The following PATJ variants were observed in gnomAD, a reference collection of about 807,000 sequenced individuals.
The protein encoded by PATJ is PATJ crumbs cell polarity complex component.
PATJ carries 190 observed loss-of-function variants against 224.9 expected under a neutral mutation model. The ratio of observed to expected loss-of-function variants is 0.84; its 90% CI spans 0.75 to 0.95. PATJ has a LOEUF of 0.95. Among genes scored for constraint, PATJ ranks in the 40% least tolerant of loss-of-function variants. The pLI, the probability that PATJ is intolerant of heterozygous loss-of-function variation, is 0.00. For missense variants in PATJ, 2,121 were observed against 2,270.3 expected (o/e 0.93, Z 1.34); for synonymous variants, 769 against 820.3 (o/e 0.94, Z 1.07).
At chr1:61,945,925 C>T (rs1410700608) in intron 27 of PATJ, among the ~76,000 whole-genome samples, 1 of 152,184 alleles carries the variant, frequency 6.6e-6, no homozygotes, top group East Asian at 1.9e-4. Flanking sequence ...CTCAAAACCG[C>T]TCAACTGCAT....
chr1:62,085,479 A>G (rs1225356590), intron 33 of PATJ, among the ~76,000 whole-genome samples: 1 of 152,176 alleles, frequency 6.6e-6, no homozygotes, highest in African/African-American at 2.4e-5. Flanking sequence ...AGGATGCCTC[A>G]CACATAGTAA....
At chr1:61,966,189 C>A (rs558358602) in intron 27 of PATJ, among the ~76,000 whole-genome samples, 44 of 152,128 alleles carry the variant, frequency 2.9e-4, no homozygotes, top group Non-Finnish European at 1.0e-4. Context: ...CGTGAGCCAC[C>A]GCACCTGGTC....
intron 22 of PATJ, 148 bp from the exon 23 acceptor site, chr1:61,899,435 C>T: frequency 2.2e-6 from 1 of 453,898 alleles, no homozygotes; most frequent in Non-Finnish European, 3.9e-6. Context: ...TTTTGCTTTG[C>T]ATATTTATTG....
intron 31 of PATJ, among the ~76,000 whole-genome samples, chr1:62,074,193 C>A (rs1657902166): frequency 8.4e-6 from 1 of 119,362 alleles, no homozygotes; most frequent in Non-Finnish European, 1.6e-5. Flanking sequence ...ATGCTGAAAA[C>A]CCAAATTAAA....
intron 28 of PATJ, among the ~76,000 whole-genome samples, chr1:62,014,559 T>G (rs563399894): frequency 2.6e-4 from 34 of 128,856 alleles, no homozygotes; most frequent in Non-Finnish European, 4.4e-4. Context: ...TTTCTTTTCT[T>G]TCCTTTTTTT....
chr1:61,827,920 A>G (rs1048818551), intron 16 of PATJ, among the ~76,000 whole-genome samples: 26 of 152,162 alleles, frequency 1.7e-4, no homozygotes, highest in African/African-American at 5.8e-4. Context: ...AGTGTTGCAT[A>G]TCTAATGTAC....
chr1:61,848,949 A>G (rs1412266674), intron 17 of PATJ, among the ~76,000 whole-genome samples: 1 of 152,112 alleles, frequency 6.6e-6, no homozygotes, highest in Admixed American at 6.5e-5. Flanking sequence ...CTCTTATCCA[A>G]TATTACAGAG....
At chr1:61,780,869 A>G (rs1647216086) in intron 7 of PATJ, among the ~76,000 whole-genome samples, 1 of 152,104 alleles carries the variant, frequency 6.6e-6, no homozygotes. Flanking sequence ...CCCAAGTCTG[A>G]TTTTCGCCCT....
At chr1:61,905,740 T>A (rs914480934) in intron 24 of PATJ, among the ~76,000 whole-genome samples, 1 of 152,154 alleles carries the variant, frequency 6.6e-6, no homozygotes, top group African/African-American at 2.4e-5. Flanking sequence ...TTCTCCATAT[T>A]CTTACCAACC....
chr1:62,115,738 T>C (rs1664387084), intron 35 of PATJ, among the ~76,000 whole-genome samples: 1 of 151,372 alleles, frequency 6.6e-6, no homozygotes, highest in South Asian at 2.1e-4. Context: ...ATGCATGTTA[T>C]GTTATATGCC....
chr1:61,975,996 TC>T (rs1364180004), intron 27 of PATJ, among the ~76,000 whole-genome samples: 4 of 152,068 alleles, frequency 2.6e-5, no homozygotes, highest in Non-Finnish European at 5.9e-5. Context: ...TCTAATTTTT[TC>T]TCCACCAGTC....
At chr1:62,081,492 C>G (rs1465716020) in intron 32 of PATJ, among the ~76,000 whole-genome samples, 2 of 152,144 alleles carry the variant, frequency 1.3e-5, no homozygotes, top group Admixed American at 1.3e-4. Flanking sequence ...GGATGTCTCA[C>G]CAGGTTTTTT....
At chr1:61,818,097 A>G (rs998112998) in intron 14 of PATJ, among the ~76,000 whole-genome samples, 4 of 152,206 alleles carry the variant, frequency 2.6e-5, no homozygotes, top group Admixed American at 6.5e-5. Context: ...ATAGTATCCT[A>G]AAAGTAAAGC....
intron 28 of PATJ, chr1:62,013,378 C>T: frequency 1.0e-6 from 1 of 985,306 alleles, no homozygotes; most frequent in African/African-American, 1.7e-5. Flanking sequence ...TAGTGAAAGC[C>T]TACTCGCAGT....
intron 5 of PATJ, 99 bp downstream of exon 5, chr1:61,769,521 T>C (rs1557610602): frequency 7.7e-7 from 1 of 1,305,808 alleles, no homozygotes; most frequent in Non-Finnish European, 1.1e-6. Context: ...ACAGTAACAG[T>C]AACAGCTAAC....
chr1:61,801,048 A>G (rs1378650117), intron 11 of PATJ, among the ~76,000 whole-genome samples: 1 of 152,186 alleles, frequency 6.6e-6, no homozygotes, highest in Non-Finnish European at 1.5e-5. Context: ...ATACATGTGC[A>G]TGTGTCTTTA....
intron 11 of PATJ, among the ~76,000 whole-genome samples, chr1:61,800,376 T>C (rs555852786): frequency 6.6e-6 from 1 of 152,362 alleles, no homozygotes; most frequent in African/African-American, 2.4e-5. Flanking sequence ...ACTTATATTC[T>C]ACTTTTGAGA....
chr1:61,871,392 T>TATATATATACAC lies in PATJ; in HGVS notation c.2836-3843_2836-3842insACACATATATAT, dbSNP rs1666356375. Among the ~76,000 whole-genome samples the TATATATATACAC allele has an allele frequency of 1.9e-4, 17 of 88,042 alleles. No homozygotes were observed. In the South Asian group the frequency reaches 6.5e-3, roughly 34 times the overall value. 57.8% of individuals were successfully genotyped at this position (88,042 alleles called of 152,430 possible). A position where few individuals can be genotyped will look rare whatever the true frequency, so the allele number is the denominator to read the frequency against. On this transcript the variant is annotated intron_variant, in intron 20 of 43. Coordinates refer to ENST00000642238, the MANE Select transcript of PATJ (RefSeq NM_001350145.3). The stretch of plus-strand genomic sequence containing the variant: ...ATGCCTGGATAATTTTTTGTGTATA[T>TATATATATACAC]ATATATATGTGTATATATATACATA...
intron 27 of PATJ, among the ~76,000 whole-genome samples, chr1:61,937,724 C>T (rs1317098010): frequency 6.7e-6 from 1 of 148,974 alleles, no homozygotes; most frequent in Non-Finnish European, 1.5e-5. Flanking sequence ...GATCTCAGCT[C>T]ACCACAACCT....
Sources: gnomAD v4.1 joint callset for allele counts (sites outside exome capture counted in the v4.1 genomes callset) on GRCh38, gnomAD v4.1.1 for gene constraint, MANE v1.5 for transcripts, NCBI Gene and HGNC (gene_info 2026-07-23, HGNC 2026-07-21) for gene names.